Variants in TGFBR3 observed in about 807,000 individuals in gnomAD.
The protein encoded by TGFBR3 is transforming growth factor beta receptor type 3.
TGFBR3 carries 46 observed loss-of-function variants against 87.9 expected under a neutral mutation model. That is an observed-to-expected ratio of 0.52 (90% confidence interval 0.41 to 0.67). TGFBR3 has a LOEUF of 0.67. TGFBR3 is among the 30% of genes least tolerant of loss of function. The pLI is 0.00. For missense variants in TGFBR3, 866 were observed against 1,041.9 expected, an observed-to-expected ratio of 0.83 and a Z score of 2.32; for synonymous variants, 381 against 391.6, an observed-to-expected ratio of 0.97 and a Z score of 0.32.
chr1:91,804,329 T>C (rs1675755568), intron 2 of TGFBR3, among the ~76,000 whole-genome samples: 1 of 152,208 alleles, frequency 6.6e-6, no homozygotes, highest in Admixed American at 6.5e-5. Context: ...GACACTCTTC[T>C]GGCCAATCCC....
chr1:91,861,748 T>C (rs1678203807), intron 1 of TGFBR3, 104 bp from the exon 2 acceptor site: 1 of 591,176 alleles, frequency 1.7e-6, no homozygotes, highest in Non-Finnish European at 3.1e-6. Context: ...GTAAGAAATT[T>C]ATCTTAAAAG....
chr1:91,879,041 GA>G (rs768954784), intron 1 of TGFBR3, among the ~76,000 whole-genome samples: 2 of 152,034 alleles, frequency 1.3e-5, no homozygotes, highest in African/African-American at 2.4e-5. Flanking sequence ...GGCTGAGGGG[GA>G]AAGATCACTT....
chr1:91,819,573 T>TAC (rs757402988), intron 2 of TGFBR3, among the ~76,000 whole-genome samples: 19 of 152,230 alleles, frequency 1.2e-4, no homozygotes, highest in Non-Finnish European at 2.8e-4. Context: ...CACCTAAACA[T>TAC]ACAGCCTTTC....
chr1:91,716,405 C>A lies in TGFBR3; in HGVS notation c.1708-11G>T. The stretch of plus-strand genomic sequence containing the variant: ...AAGGCTGCAATTAAACTGGAAATAA[C>A]AACCCACAGGAAGATTAATGACAGT... On this transcript the variant is annotated splice_polypyrimidine_tract_variant and intron_variant, in intron 11 of 16. Transcript: ENST00000212355. 1.2e-6 allele frequency: 2 copies of A among 1,614,154 alleles called. No homozygotes were observed. Among genetic ancestry groups the A allele is most frequent in the Non-Finnish European group, 1.7e-6 (2 of 1,180,012 alleles).
At chr1:91,856,279 G>T (rs1165648359) in intron 2 of TGFBR3, among the ~76,000 whole-genome samples, 1 of 152,014 alleles carries the variant, frequency 6.6e-6, no homozygotes, top group African/African-American at 2.4e-5. Flanking sequence ...TGTTAGCCAG[G>T]ATGGTCTCAA....
intron 14 of TGFBR3, among the ~76,000 whole-genome samples, chr1:91,704,619 T>G (rs951100349): frequency 6.6e-6 from 1 of 152,208 alleles, no homozygotes; most frequent in African/African-American, 2.4e-5. Context: ...CACAGAGCCT[T>G]GCACAAAGTA....
chr1:91,838,514 A>C lies in TGFBR3; in HGVS notation c.61+22957T>G, dbSNP rs6694779. On this transcript the variant is annotated intron_variant, in intron 2 of 16. Transcript: ENST00000212355. Reference sequence around the variant, plus strand: ...CGCCCTGTCGCCCAGGCTGGAGTGCAGTGGGGCAAACTCGGCGCACTGCAA... The same window carrying C: ...CGCCCTGTCGCCCAGGCTGGAGTGCCGTGGGGCAAACTCGGCGCACTGCAA... Among the ~76,000 whole-genome samples, 1,105 of 145,412 alleles carry C rather than the reference A, an allele frequency of 7.6e-3. 17 individuals carry two copies. Among genetic ancestry groups the C allele is most frequent in the African/African-American group, 0.027 (1,042 of 38,886 alleles).
intron 3 of TGFBR3, among the ~76,000 whole-genome samples, chr1:91,769,711 A>C (rs891995103): frequency 6.6e-6 from 1 of 151,740 alleles, no homozygotes; most frequent in Non-Finnish European, 1.5e-5. Context: ...TTTTACTCTG[A>C]CACAAACCGA....
Position 91,680,891 on chromosome 1 carries a change from G to T in TGFBR3, c.*2848C>A. On this transcript the variant is annotated 3_prime_UTR_variant, in exon 17 of 17. Coordinates refer to ENST00000212355, the MANE Select transcript of TGFBR3 (RefSeq NM_003243.5). ...TTTTTTTTGTTTAGAAAATGCTATA[G>T]AAACAGTTTAGACAGAAGAAATCTC... is the stretch of plus-strand genomic sequence containing the variant. The T allele has an allele frequency of 2.2e-6, 1 of 452,134 alleles. No individual in the cohort carries two copies. The highest frequency in any genetic ancestry group is 1.6e-5 in the South Asian group (1 of 63,984). The allele number at this position is 452,134 out of a possible 1,614,324, so 28.0% of individuals were successfully genotyped here.
intron 14 of TGFBR3, among the ~76,000 whole-genome samples, chr1:91,701,859 G>A (rs1671629668): frequency 6.6e-6 from 1 of 152,164 alleles, no homozygotes; most frequent in Admixed American, 6.5e-5. Context: ...ATTTAAGACA[G>A]AGTTTTTACT....
chr1:91,891,561 TAGA>T (rs1287291628), intron 2 of TGFBR3, among the ~76,000 whole-genome samples: 1 of 152,100 alleles, frequency 6.6e-6, no homozygotes, highest in African/African-American at 2.4e-5. Context: ...AAAGTTTGTT[TAGA>T]AGAACTATTA....
At chr1:91,887,930 T>A (rs2101323260), upstream of TGFBR3, among the ~76,000 whole-genome samples, 1 of 152,306 alleles carries the variant, frequency 6.6e-6, no homozygotes, top group African/African-American at 2.4e-5. Flanking sequence ...TTTAAGGCCT[T>A]AAGATTTCTC....
intron 16 of TGFBR3, among the ~76,000 whole-genome samples, chr1:91,689,842 A>T (rs1237179280): frequency 2.4e-4 from 8 of 33,410 alleles, no homozygotes; most frequent in South Asian, 8.7e-4. Context: ...AAACTGATTA[A>T]AAAAAAAAAA....
rs749978314 is a variant in TGFBR3, at chr1:91,766,198, C to CTTTT, written c.247-7452_247-7449dup. Among the ~76,000 whole-genome samples the CTTTT allele has an allele frequency of 6.1e-3, 697 of 114,414 alleles. 27 individuals are homozygous for CTTTT. Among genetic ancestry groups the CTTTT allele is most frequent in the African/African-American group, 0.022 (627 of 28,998 alleles). The allele number at this position is 114,414 out of a possible 152,430, so 75.1% of individuals were successfully genotyped here. A position where few individuals can be genotyped will look rare whatever the true frequency, so the allele number is the denominator to read the frequency against. ...CACCATAACCAGCTAAGTTTGTTTT[C>CTTTT]TTTTTTTTTTTTTTTTTTTGTAGAG... On this transcript the variant is annotated intron_variant, in intron 3 of 16. Coordinates refer to ENST00000212355, the MANE Select transcript of TGFBR3 (RefSeq NM_003243.5).
chr1:91,881,427 G>C (rs924432877), intron 1 of TGFBR3, among the ~76,000 whole-genome samples: 2 of 152,148 alleles, frequency 1.3e-5, no homozygotes. Context: ...AAGGCTTTCT[G>C]TAAGAAAGCC....
At position 91,861,586 on chromosome 1, in the gene TGFBR3, A is replaced by G. The variant is rs996533125; in HGVS notation, c.-55T>C. On this transcript the variant is annotated 5_prime_UTR_variant, in exon 2 of 17. Coordinates refer to ENST00000212355, the MANE Select transcript of TGFBR3 (RefSeq NM_003243.5). ...AGTCACTTCAGCCTGCTCAGAGCAC[A>G]GACAATCTTTGCAAATCAGAAGTAG... 2 of 1,419,900 alleles carry G rather than the reference A, an allele frequency of 1.4e-6. No homozygotes were observed. The highest frequency in any genetic ancestry group is 2.0e-6 in the Non-Finnish European group (2 of 1,003,288). The allele number at this position is 1,419,900 out of a possible 1,614,324, so 88.0% of individuals were successfully genotyped here.
At chr1:91,795,800 T>C (rs1333996916) in intron 3 of TGFBR3, among the ~76,000 whole-genome samples, 1 of 152,208 alleles carries the variant, frequency 6.6e-6, no homozygotes, top group Non-Finnish European at 1.5e-5. Flanking sequence ...TAAAGAAATC[T>C]GACCTGAAAT....
Position 91,722,232 on chromosome 1 carries a change from TC to T in TGFBR3, c.886-89del, listed in dbSNP as rs1672395362. The T allele has an allele frequency of 8.3e-6, 9 of 1,089,666 alleles. No individual in the cohort carries two copies. In the South Asian group the frequency reaches 1.3e-4, roughly 15 times the overall value. 67.5% of individuals were successfully genotyped at this position (1,089,666 alleles called of 1,614,324 possible). On this transcript the variant is annotated intron_variant, in intron 7 of 16. Coordinates refer to ENST00000212355, the MANE Select transcript of TGFBR3 (RefSeq NM_003243.5). The stretch of plus-strand genomic sequence containing the variant: ...AATTAAATATCTTAAATAAGTAGAT[TC>T]TATATTGTATATGAGGGAATTATTT...
intron 1 of TGFBR3, among the ~76,000 whole-genome samples, chr1:91,878,571 T>A (rs1678948877): frequency 6.6e-6 from 1 of 152,234 alleles, no homozygotes; most frequent in South Asian, 2.1e-4. Flanking sequence ...GCCCATTTGA[T>A]GTTCTCACCT....
Sources: allele counts gnomAD v4.1 joint callset (sites outside exome capture counted in the v4.1 genomes callset), GRCh38; gene constraint gnomAD v4.1.1; transcripts MANE v1.5; gene names NCBI Gene and HGNC (gene_info 2026-07-23, HGNC 2026-07-21).